The following STK3 variants were observed in gnomAD, a reference collection of about 807,000 sequenced individuals.
The protein encoded by STK3 is serine/threonine-protein kinase 3.
STK3 carries 41 observed loss-of-function variants against 58.0 expected under a neutral mutation model. That is an observed-to-expected ratio of 0.71 (90% CI 0.55 to 0.92). STK3 has a LOEUF of 0.92. Among genes scored for constraint, STK3 ranks in the 40% least tolerant of loss-of-function variants. The pLI is 0.00. For missense variants in STK3, 479 were observed against 602.7 expected, an observed-to-expected ratio of 0.79 and a Z score of 2.15; for synonymous variants, 170 against 191.0, an observed-to-expected ratio of 0.89 and a Z score of 0.91.
rs150183690 is a variant in STK3, at chr8:98,628,025, T to C, written c.685-31856A>G. ...TTCAGGTACTAAGCAAACAGCTCAG[T>C]AGAATACTACAACAAACATGTAACC... On this transcript the variant is annotated intron_variant, in intron 6 of 10. Coordinates refer to ENST00000419617, the MANE Select transcript of STK3 (RefSeq NM_006281.4). Among the ~76,000 whole-genome samples, 89 of 152,336 alleles carry C rather than the reference T, an allele frequency of 5.8e-4. 1 individual carries two copies. The East Asian group carries it at 0.017, about 29-fold the overall frequency.
intron 1 of STK3, among the ~76,000 whole-genome samples, chr8:98,907,882 T>C (rs1838978036): frequency 6.6e-6 from 1 of 152,246 alleles, no homozygotes; most frequent in African/African-American, 2.4e-5. Context: ...CTCCTTCCTC[T>C]GGCTCTTTTT....
chr8:98,568,502 T>G (rs1004327043), intron 8 of STK3, among the ~76,000 whole-genome samples: 1 of 152,202 alleles, frequency 6.6e-6, no homozygotes, highest in Non-Finnish European at 1.5e-5. Flanking sequence ...GCTGGTCAAC[T>G]AGTTCCACTC....
intron 1 of STK3, among the ~76,000 whole-genome samples, chr8:98,906,028 C>A (rs183268950): frequency 1.1e-4 from 16 of 152,268 alleles, no homozygotes; most frequent in Admixed American, 9.8e-4. Flanking sequence ...GTGTGGGCTA[C>A]GGTCTGTTTA....
chr8:98,793,221 T>C (rs1216157976), intron 1 of STK3, among the ~76,000 whole-genome samples: 4 of 151,992 alleles, frequency 2.6e-5, no homozygotes, highest in Non-Finnish European at 5.9e-5. Flanking sequence ...ACAAATTGGG[T>C]ACAGTGTATA....
At chr8:98,712,864 A>C (rs1826615946) in intron 4 of STK3, among the ~76,000 whole-genome samples, 1 of 152,204 alleles carries the variant, frequency 6.6e-6, no homozygotes, top group Non-Finnish European at 1.5e-5. Context: ...CCTATTACAA[A>C]ATTGACCACA....
chr8:98,591,906 TG>T (rs530616046), intron 7 of STK3, among the ~76,000 whole-genome samples: 129 of 152,354 alleles, frequency 8.5e-4, no homozygotes, highest in African/African-American at 3.0e-3. Flanking sequence ...ATAATTCTAC[TG>T]GTTTCTAGTT....
chr8:98,707,045 C>T (rs1826018225), intron 5 of STK3, 102 bp downstream of exon 5: 6 of 1,255,012 alleles, frequency 4.8e-6, no homozygotes, highest in Non-Finnish European at 6.4e-6. Context: ...TAAAAAACTA[C>T]ACATTTCTTT....
rs1005484085 is a variant in STK3, at chr8:98,632,570, T to G, written c.685-36401A>C. On this transcript the variant is annotated intron_variant, in intron 6 of 10. Coordinates refer to ENST00000419617, the MANE Select transcript of STK3 (RefSeq NM_006281.4). ...AACTTAGATCTGACGCAGAGGAAAA[T>G]TTTTAACAGATTCTATTGGACATAT... Among the ~76,000 whole-genome samples the G allele has an allele frequency of 9.9e-5, 15 of 152,110 alleles. 1 individual carries two copies. Among genetic ancestry groups the G allele is most frequent in the Non-Finnish European group, 1.5e-5 (1 of 68,020 alleles).
intron 3 of STK3, among the ~76,000 whole-genome samples, chr8:98,419,871 C>A (rs1818150968): frequency 6.6e-6 from 1 of 152,178 alleles, no homozygotes; most frequent in Admixed American, 6.5e-5. Context: ...GTGTCATTGT[C>A]CATGCTCTGT....
intron 3 of STK3, among the ~76,000 whole-genome samples, chr8:98,394,660 G>T (rs546438313): frequency 6.6e-6 from 1 of 152,246 alleles, no homozygotes; most frequent in South Asian, 2.1e-4. Flanking sequence ...CAATTCTTTG[G>T]GGATAAGAAG....
At chr8:98,693,360 T>C (rs1013880319) in intron 6 of STK3, among the ~76,000 whole-genome samples, 1 of 152,022 alleles carries the variant, frequency 6.6e-6, no homozygotes, top group Non-Finnish European at 1.5e-5. Flanking sequence ...TTCACGCCAC[T>C]CCAGCCTGGG....
intron 1 of STK3, among the ~76,000 whole-genome samples, chr8:98,806,838 A>C (rs1833910856): frequency 6.6e-6 from 1 of 152,090 alleles, no homozygotes; most frequent in Non-Finnish European, 1.5e-5. Context: ...CCAATTAGTA[A>C]AGATTAGGTG....
intron 10 of STK3, among the ~76,000 whole-genome samples, chr8:98,498,663 T>C (rs1295476500): frequency 6.6e-6 from 1 of 152,234 alleles, no homozygotes; most frequent in Non-Finnish European, 1.5e-5. Flanking sequence ...TTATAAGTCC[T>C]CATCTTTCTT....
At chr8:98,850,011 A>C (rs987939569) in intron 3 of STK3, among the ~76,000 whole-genome samples, 1 of 152,138 alleles carries the variant, frequency 6.6e-6, no homozygotes, top group Non-Finnish European at 1.5e-5. Context: ...TTTCATTTTT[A>C]TCTCTTTATC....
intron 6 of STK3, among the ~76,000 whole-genome samples, chr8:98,646,307 A>G (rs1349442520): frequency 6.6e-6 from 1 of 152,154 alleles, no homozygotes; most frequent in Non-Finnish European, 1.5e-5. Flanking sequence ...TTCAATTTGT[A>G]CTTGACCTAG....
intron 1 of STK3, chr8:98,904,790 A>G (rs1587828210): frequency 1.5e-6 from 1 of 667,340 alleles, no homozygotes; most frequent in South Asian, 1.4e-5. Flanking sequence ...TGGTGGCCGG[A>G]GCGGCAGCCA....
chr8:98,456,052 C>G, intron 10 of STK3, 52 bp from the exon 11 acceptor site: 1 of 1,491,514 alleles, frequency 6.7e-7, no homozygotes, highest in East Asian at 2.4e-5. Context: ...ACATTATCCA[C>G]AATCAATACA....
At chr8:98,559,099 G>A (rs1811815101) in intron 8 of STK3, among the ~76,000 whole-genome samples, 1 of 152,078 alleles carries the variant, frequency 6.6e-6, no homozygotes, top group Admixed American at 6.6e-5. Context: ...AATACTTCAT[G>A]TGCAAGTATA....
chr8:98,653,189 C>T (rs1223518480), intron 6 of STK3, among the ~76,000 whole-genome samples: 6 of 152,116 alleles, frequency 3.9e-5, no homozygotes, highest in Admixed American at 6.6e-5. Flanking sequence ...CACTCAAAAC[C>T]GCTCAACTAC....
Sources: allele counts gnomAD v4.1 joint callset (sites outside exome capture counted in the v4.1 genomes callset), GRCh38; gene constraint gnomAD v4.1.1; transcripts MANE v1.5; gene names NCBI Gene and HGNC (gene_info 2026-07-23, HGNC 2026-07-21).